Variants in PKN2 observed in about 807,000 individuals in gnomAD.
The protein encoded by PKN2 is serine/threonine-protein kinase N2.
Under a neutral mutation model 119.1 loss-of-function variants are expected in PKN2, and 38 were observed. The ratio of observed to expected loss-of-function variants is 0.32; its 90% CI spans 0.25 to 0.42. The LOEUF (loss-of-function observed/expected upper bound fraction) is 0.42, where lower values mean the gene tolerates loss of function less well. Among genes scored for constraint, PKN2 ranks in the 10% least tolerant of loss-of-function variants. PKN2 has a pLI of 1.00. For synonymous variants in PKN2, 390 were observed against 384.9 expected (o/e 1.01, Z -0.15); for missense variants, 850 against 1,165.1 (o/e 0.73, Z 3.94).
chr1:88,790,489 G>A (rs184860220), intron 8 of PKN2, among the ~76,000 whole-genome samples: 40 of 152,234 alleles, frequency 2.6e-4, no homozygotes, highest in Admixed American at 2.6e-3. Flanking sequence ...ATTTTGAGTT[G>A]TGTAATTATT....
intron 2 of PKN2, among the ~76,000 whole-genome samples, chr1:88,741,880 T>G (rs992412170): frequency 6.6e-6 from 1 of 152,072 alleles, no homozygotes; most frequent in African/African-American, 2.4e-5. Flanking sequence ...AACATAATTT[T>G]TAAACAATAG....
chr1:88,726,292 A>C (rs1423224407), intron 1 of PKN2, among the ~76,000 whole-genome samples: 2 of 152,168 alleles, frequency 1.3e-5, no homozygotes, highest in Non-Finnish European at 2.9e-5. Context: ...TTTCACCGTT[A>C]CATATGATGT....
intron 1 of PKN2, among the ~76,000 whole-genome samples, chr1:88,729,786 C>G (rs1464681276): frequency 6.6e-6 from 1 of 151,226 alleles, no homozygotes; most frequent in East Asian, 1.9e-4. Context: ...TGTAACAATG[C>G]ACCATAGCTT....
rs148161871 is a variant in PKN2 at position 88,827,671 on chromosome 1, C to CCT, written c.2420-797_2420-796dup. Reference sequence around the variant, plus strand: ...CTTCTCCCCTCCCCTCCCGTCCCCTCCTCTCTCTCTCTCTATATATAATAT... The same window carrying CCT: ...CTTCTCCCCTCCCCTCCCGTCCCCTCCTCTCTCTCTCTCTCTATATATAATAT... On this transcript the variant is annotated intron_variant, in intron 18 of 21. Coordinates refer to ENST00000370521, the MANE Select transcript of PKN2 (RefSeq NM_006256.4). Among the ~76,000 whole-genome samples, 54 of 124,606 alleles carry CCT rather than the reference C, an allele frequency of 4.3e-4. 1 individual carries two copies. Among genetic ancestry groups the CCT allele is most frequent in the Admixed American group, 3.8e-4 (4 of 10,662 alleles). 81.7% of individuals were successfully genotyped at this position (124,606 alleles called of 152,430 possible). A position where few individuals can be genotyped will look rare whatever the true frequency, so the allele number is the denominator to read the frequency against.
At chr1:88,727,899 T>C (rs1404779873) in intron 1 of PKN2, among the ~76,000 whole-genome samples, 1 of 152,104 alleles carries the variant, frequency 6.6e-6, no homozygotes, top group Admixed American at 6.5e-5. Flanking sequence ...AACAGCAAGG[T>C]AGGAAGCATC....
intron 18 of PKN2, among the ~76,000 whole-genome samples, chr1:88,827,149 G>GT (rs1454617111): frequency 8.6e-5 from 13 of 151,926 alleles, no homozygotes; most frequent in African/African-American, 2.9e-4. Context: ...CTTATGACAA[G>GT]TTTTTAACAC....
chr1:88,692,982 G>C (rs1379411724), intron 1 of PKN2, among the ~76,000 whole-genome samples: 1 of 152,146 alleles, frequency 6.6e-6, no homozygotes, highest in Non-Finnish European at 1.5e-5. Context: ...CTATCCAAAT[G>C]AACAGCCATA....
chr1:88,780,221 T>G lies in PKN2; in HGVS notation c.986-4418T>G, dbSNP rs551017634. 1.3e-5 allele frequency among the ~76,000 whole-genome samples: 2 copies of G among 152,332 alleles called. 1 individual carries two copies. The highest frequency in any genetic ancestry group is 4.8e-5 in the African/African-American group (2 of 41,578). On this transcript the variant is annotated intron_variant, in intron 6 of 21. Transcript: ENST00000370521. Reference sequence around the variant, plus strand: ...TTAAGAATGAAATGAAAATACTTTTTCTTTTAGTTATATGTATTTTTTTTC... The same window carrying G: ...TTAAGAATGAAATGAAAATACTTTTGCTTTTAGTTATATGTATTTTTTTTC...
At chr1:88,751,314 CACAT>C (rs1201328572) in intron 2 of PKN2, among the ~76,000 whole-genome samples, 9 of 151,902 alleles carry the variant, frequency 5.9e-5, no homozygotes, top group Non-Finnish European at 1.0e-4. Context: ...TGTGTAGACA[CACAT>C]ACATACAGGT....
intron 16 of PKN2, among the ~76,000 whole-genome samples, chr1:88,820,129 CTTAAAAGTATAAT>C (rs1672185814): frequency 7.2e-6 from 1 of 138,266 alleles, no homozygotes; most frequent in Non-Finnish European, 1.5e-5. Flanking sequence ...TATCCCAGAA[CTTAAAAGTATAAT>C]TTAAAAGTAA....
chr1:88,723,410 G>GCCCCC (rs35424856), intron 1 of PKN2, among the ~76,000 whole-genome samples: 2 of 125,126 alleles, frequency 1.6e-5, no homozygotes. Context: ...ACCGTGCCCT[G>GCCCCC]CCCCCCCCCC....
intron 2 of PKN2, among the ~76,000 whole-genome samples, chr1:88,753,296 G>A (rs925167686): frequency 2.8e-4 from 43 of 152,100 alleles, no homozygotes; most frequent in Middle Eastern, 3.4e-3. Context: ...TCTGTTCTTC[G>A]TTATTTCTTT....
chr1:88,799,232 C>T (rs1204034505), intron 8 of PKN2, among the ~76,000 whole-genome samples: 1 of 152,168 alleles, frequency 6.6e-6, no homozygotes, highest in Non-Finnish European at 1.5e-5. Context: ...ACATCTATAG[C>T]AGGCCGACTT....
intron 1 of PKN2, among the ~76,000 whole-genome samples, chr1:88,732,062 A>G (rs79029952): frequency 0.01 from 1,527 of 152,350 alleles, 22 homozygotes; most frequent in African/African-American, 0.035. Context: ...TTTAATTACA[A>G]TGTACTGTGT....
At chr1:88,739,400 C>A (rs142326732) in intron 1 of PKN2, among the ~76,000 whole-genome samples, 4 of 152,056 alleles carry the variant, frequency 2.6e-5, no homozygotes, top group African/African-American at 9.7e-5. Flanking sequence ...AAAACCAAGA[C>A]GAGATCCCGT....
At chr1:88,786,867 A>T (rs1670599028) in intron 8 of PKN2, among the ~76,000 whole-genome samples, 1 of 151,888 alleles carries the variant, frequency 6.6e-6, no homozygotes, top group East Asian at 1.9e-4. Context: ...AATTATGTTA[A>T]AGCAGATTTA....
At chr1:88,723,073 G>A (rs1050391769) in intron 1 of PKN2, among the ~76,000 whole-genome samples, 3 of 152,000 alleles carry the variant, frequency 2.0e-5, no homozygotes, top group African/African-American at 7.2e-5. Flanking sequence ...TGTTCAGACT[G>A]TTCATTCAAA....
chr1:88,727,311 G>A (rs6656447), intron 1 of PKN2, among the ~76,000 whole-genome samples: 10,905 of 151,702 alleles, frequency 0.072, 829 homozygotes, highest in African/African-American at 0.19. Flanking sequence ...CATTGAAACA[G>A]CATTCCTTTA....
At chr1:88,702,774 G>C (rs1338339255) in intron 1 of PKN2, among the ~76,000 whole-genome samples, 3 of 152,046 alleles carry the variant, frequency 2.0e-5, no homozygotes, top group Non-Finnish European at 1.5e-5. Flanking sequence ...AGATATTCTA[G>C]TTTCAGTTGA....
Sources: allele counts gnomAD v4.1 joint callset (sites outside exome capture counted in the v4.1 genomes callset), GRCh38; gene constraint gnomAD v4.1.1; transcripts MANE v1.5; gene names NCBI Gene and HGNC (gene_info 2026-07-23, HGNC 2026-07-21).